CUX1: variants seen among roughly 807,000 people sequenced by gnomAD.
The protein encoded by CUX1 is cut like homeobox 1.
Under a neutral mutation model 158.8 loss-of-function variants are expected in CUX1, and 31 were observed. That is an observed-to-expected ratio of 0.20 (90% confidence interval 0.15 to 0.26). CUX1 has a LOEUF of 0.26. Among genes scored for constraint, CUX1 ranks in the 10% least tolerant of loss-of-function variants. CUX1 has a pLI of 1.00. For missense variants in CUX1, 1,589 were observed against 2,014.6 expected (o/e 0.79, Z 4.04); for synonymous variants, 879 against 862.1 (o/e 1.02, Z -0.34).
At chr7:102,158,704 A>G in intron 9 of CUX1, 96 bp downstream of exon 9, 1 of 1,181,792 alleles carries the variant, frequency 8.5e-7, no homozygotes, top group Admixed American at 1.8e-5. Flanking sequence ...AAGGCCGGTT[A>G]TCCTTCCATT....
intron 2 of CUX1, among the ~76,000 whole-genome samples, chr7:102,002,587 C>G (rs1816811009): frequency 6.6e-6 from 1 of 152,226 alleles, no homozygotes; most frequent in South Asian, 2.1e-4. Flanking sequence ...GGCATTGGTA[C>G]AAGGGGGCCT....
intron 3 of CUX1, among the ~76,000 whole-genome samples, chr7:102,034,133 G>A (rs1415349045): frequency 2.4e-5 from 2 of 82,718 alleles, no homozygotes; most frequent in Non-Finnish European, 4.2e-5. Context: ...GTGACAGAGC[G>A]AGACTCCATC....
At position 102,069,932 on chromosome 7, in the gene CUX1, A is replaced by G. The variant is rs573669908; in HGVS notation, c.190-407A>G. On this transcript the variant is annotated intron_variant, in intron 3 of 23. Transcript: ENST00000292535. Reference sequence around the variant, plus strand: ...AGGGATTTAATTACTTGTTAATTACATACCTGTTTCCCTCCTAGACCCTGA... The same window carrying G: ...AGGGATTTAATTACTTGTTAATTACGTACCTGTTTCCCTCCTAGACCCTGA... Among the ~76,000 whole-genome samples the G allele has an allele frequency of 3.9e-5, 6 of 152,284 alleles. No individual in the cohort carries two copies. In the South Asian group the frequency reaches 1.0e-3, roughly 26 times the overall value.
chr7:101,930,283 G>T (rs917892761), intron 2 of CUX1, among the ~76,000 whole-genome samples: 1 of 152,144 alleles, frequency 6.6e-6, no homozygotes, highest in Non-Finnish European at 1.5e-5. Context: ...TTCTAGGAGG[G>T]TACTTAGGAA....
In CUX1 at chr7:102,256,036, A is replaced by G. The variant is rs1554541886; in HGVS notation, c.*6994A>G. Reference sequence around the variant, plus strand: ...TCACTGTAGTTCCGTTTGTTCATGAACCGAAGGGAAAACAGGCCTCCCCGA... The same window carrying G: ...TCACTGTAGTTCCGTTTGTTCATGAGCCGAAGGGAAAACAGGCCTCCCCGA... On this transcript the variant is annotated 3_prime_UTR_variant, in exon 24 of 24. Transcript: ENST00000292535. 1.0e-6 allele frequency: 1 copy of G among 985,288 alleles called. No homozygotes were observed. The highest frequency in any genetic ancestry group is 1.2e-6 in the Non-Finnish European group (1 of 829,940). The allele number at this position is 985,288 out of a possible 1,614,324, so 61.0% of individuals were successfully genotyped here.
At position 102,255,826 on chromosome 7, in the gene CUX1, T is replaced by A. The variant is rs1294935182; in HGVS notation, c.*6784T>A. The A allele has an allele frequency of 1.3e-5, 13 of 981,780 alleles. No individual in the cohort carries two copies. The highest frequency in any genetic ancestry group is 1.6e-5 in the Non-Finnish European group (13 of 826,962). 60.8% of individuals were successfully genotyped at this position (981,780 alleles called of 1,614,324 possible). ...TTTTCCCCCCTTTTCCTTCTTCTTTTTTATTATTTTATTATTTTTTTTGTA... is the reference window on the plus strand; with the variant it reads ...TTTTCCCCCCTTTTCCTTCTTCTTTATTATTATTTTATTATTTTTTTTGTA... On this transcript the variant is annotated 3_prime_UTR_variant, in exon 24 of 24. Coordinates refer to ENST00000292535, the MANE Select transcript of CUX1 (RefSeq NM_181552.4).
chr7:101,831,255 C>T (rs1362059368), intron 1 of CUX1, among the ~76,000 whole-genome samples: 3 of 151,972 alleles, frequency 2.0e-5, no homozygotes, highest in Admixed American at 2.0e-4. Flanking sequence ...GATTGAGTGA[C>T]CAGACAGTAG....
chr7:102,247,133 G>A (rs879969004), intron 23 of CUX1, among the ~76,000 whole-genome samples: 3 of 151,952 alleles, frequency 2.0e-5, no homozygotes, highest in Non-Finnish European at 2.9e-5. Context: ...GGTGGAGGTT[G>A]CAGGGAGCTA....
chr7:102,112,332 C>T (rs1585730034), intron 7 of CUX1, among the ~76,000 whole-genome samples: 2 of 150,846 alleles, frequency 1.3e-5, no homozygotes, highest in Admixed American at 6.6e-5. Flanking sequence ...AGCTCCGCCT[C>T]CTGGGTTAAT....
intron 1 of CUX1, among the ~76,000 whole-genome samples, chr7:101,829,736 C>A (rs1162887353): frequency 2.6e-5 from 4 of 152,094 alleles, no homozygotes; most frequent in African/African-American, 9.7e-5. Flanking sequence ...CTGGCTGGAG[C>A]CTTGCCCTGG....
intron 3 of CUX1, among the ~76,000 whole-genome samples, chr7:102,032,839 G>A (rs1207891896): frequency 1.3e-5 from 2 of 152,190 alleles, no homozygotes; most frequent in African/African-American, 4.8e-5. Flanking sequence ...GATGGGTGGT[G>A]TGGGGGAGGT....
intron 5 of CUX1, among the ~76,000 whole-genome samples, chr7:102,103,430 TCTCTCACTCA>T (rs1426978475): frequency 2.7e-5 from 3 of 110,010 alleles, no homozygotes; most frequent in Non-Finnish European, 4.1e-5. Context: ...TCTCTCTCTC[TCTCTCACTCA>T]CTCACTCACT....
chr7:101,990,978 G>C (rs1018782169), intron 2 of CUX1, among the ~76,000 whole-genome samples: 1 of 152,122 alleles, frequency 6.6e-6, no homozygotes. Context: ...ATGTATTTCC[G>C]CATCTTTACG....
chr7:102,139,035 A>G (rs1554499462), intron 8 of CUX1, among the ~76,000 whole-genome samples: 1 of 152,092 alleles, frequency 6.6e-6, no homozygotes, highest in Non-Finnish European at 1.5e-5. Context: ...ATTTGAGGTC[A>G]GGAGTTTGAG....
Position 102,017,997 on chromosome 7 carries a change from C to G in CUX1, c.142-10101C>G, listed in dbSNP as rs374787297. On this transcript the variant is annotated intron_variant, in intron 2 of 23. Coordinates refer to ENST00000292535, the MANE Select transcript of CUX1 (RefSeq NM_181552.4). Reference sequence around the variant, plus strand: ...TTTGAGATGAAGTCTTGCTCTGTCACCCAGGCTGGAGTGCAGTGGCATGAT... The same window carrying G: ...TTTGAGATGAAGTCTTGCTCTGTCAGCCAGGCTGGAGTGCAGTGGCATGAT... Among the ~76,000 whole-genome samples, 30 of 152,278 alleles carry G rather than the reference C, an allele frequency of 2.0e-4. No individual in the cohort carries two copies. The East Asian group carries it at 2.7e-3, about 14-fold the overall frequency.
intron 3 of CUX1, among the ~76,000 whole-genome samples, chr7:102,053,802 CTTTT>C (rs750818355): frequency 3.5e-4 from 42 of 119,864 alleles, no homozygotes; most frequent in African/African-American, 1.3e-3. Flanking sequence ...TGTCTTCTCA[CTTTT>C]TTTTTTTTTT....
intron 2 of CUX1, among the ~76,000 whole-genome samples, chr7:101,924,049 C>T (rs567729461): frequency 3.9e-5 from 6 of 152,282 alleles, no homozygotes; most frequent in East Asian, 1.9e-4. Flanking sequence ...GATTCCTTCC[C>T]GACCCTGGCA....
At chr7:102,062,519 CTTATT>C (rs762535643) in intron 3 of CUX1, among the ~76,000 whole-genome samples, 23 of 152,112 alleles carry the variant, frequency 1.5e-4, no homozygotes, top group Non-Finnish European at 2.8e-4. Flanking sequence ...TTGTCTTTCT[CTTATT>C]TTATTTGAGA....
At chr7:102,194,997 C>T (rs1251090837) in intron 13 of CUX1, among the ~76,000 whole-genome samples, 1 of 151,934 alleles carries the variant, frequency 6.6e-6, no homozygotes, top group East Asian at 1.9e-4. Flanking sequence ...GCACTCCAGC[C>T]TGGGCGACAG....
Sources: allele counts gnomAD v4.1 joint callset (sites outside exome capture counted in the v4.1 genomes callset), GRCh38; gene constraint gnomAD v4.1.1; transcripts MANE v1.5; gene names NCBI Gene and HGNC (gene_info 2026-07-23, HGNC 2026-07-21).